Variants in PXMP2 observed in about 807,000 individuals in gnomAD.
PXMP2 encodes 22 kDa peroxisomal membrane protein.
A neutral mutation model predicts 20.2 loss-of-function variants in PXMP2; 13 were observed. The observed-to-expected ratio is 0.64, with a 90% CI of 0.42 to 1.02. PXMP2 has a LOEUF of 1.02. PXMP2 is among the 50% of genes least tolerant of loss of function. The pLI is 0.00. For synonymous variants in PXMP2, 113 were observed against 111.2 expected (o/e 1.02, Z -0.10); for missense variants, 284 against 251.8 (o/e 1.13, Z -0.87).
At chr12:132,689,443 C>T (rs1038073829) in intron 1 of PXMP2, among the ~76,000 whole-genome samples, 21 of 152,064 alleles carry the variant, frequency 1.4e-4, no homozygotes, top group African/African-American at 2.4e-4. Flanking sequence ...AAGGGAAGGC[C>T]GGCGTTAAAG....
At chr12:132,695,238 G>A (rs1469527369) in intron 2 of PXMP2, among the ~76,000 whole-genome samples, 1 of 152,004 alleles carries the variant, frequency 6.6e-6, no homozygotes, top group African/African-American at 2.4e-5. Flanking sequence ...CAGTTAGTGA[G>A]TGCCCTTGCC....
Position 132,687,662 on chromosome 12 carries a change from G to A in PXMP2, c.-9G>A, listed in dbSNP as rs528027436. ...TCGGTGCCCCCGGCGGCACGGCGCT[G>A]GGGAGGCGATGGCGCCGGCCGCGTC... On this transcript the variant is annotated 5_prime_UTR_variant, in exon 1 of 5. Coordinates refer to ENST00000317479, the MANE Select transcript of PXMP2 (RefSeq NM_018663.3). 84 of 1,168,858 alleles carry A rather than the reference G, an allele frequency of 7.2e-5. No individual in the cohort carries two copies. In the East Asian group the frequency reaches 2.9e-3, roughly 40 times the overall value. 72.4% of individuals were successfully genotyped at this position (1,168,858 alleles called of 1,614,324 possible).
intron 1 of PXMP2, among the ~76,000 whole-genome samples, chr12:132,689,748 A>T (rs1422054772): frequency 6.6e-6 from 1 of 152,164 alleles, no homozygotes; most frequent in African/African-American, 2.4e-5. Flanking sequence ...ACATGGAGAG[A>T]TTCCTTGCAC....
chr12:132,704,279 GC>G (rs2043458386), intron 4 of PXMP2, among the ~76,000 whole-genome samples: 1 of 152,166 alleles, frequency 6.6e-6, no homozygotes, highest in Non-Finnish European at 1.5e-5. Flanking sequence ...GGAGGGTGCA[GC>G]CACCTGCATG....
At chr12:132,701,013 A>G in intron 3 of PXMP2, among the ~76,000 whole-genome samples, 1 of 152,188 alleles carries the variant, frequency 6.6e-6, no homozygotes, top group Non-Finnish European at 1.5e-5. Flanking sequence ...GTTTTGGGCC[A>G]GGACAGACAT....
At chr12:132,703,147 T>G (rs1333249268) in intron 4 of PXMP2, among the ~76,000 whole-genome samples, 1 of 152,142 alleles carries the variant, frequency 6.6e-6, no homozygotes, top group Non-Finnish European at 1.5e-5. Context: ...TCAAAGTCTG[T>G]GGGGGCCAGG....
intron 1 of PXMP2, 105 bp from the exon 2 acceptor site, chr12:132,690,158 G>A (rs1234224212): frequency 1.2e-5 from 10 of 812,744 alleles, no homozygotes; most frequent in Non-Finnish European, 1.9e-5. Flanking sequence ...CCTACCCCCC[G>A]CCCATCTGCT....
At chr12:132,690,184 G>T (rs2043357924) in intron 1 of PXMP2, 79 bp from the exon 2 acceptor site, 2 of 1,127,744 alleles carry the variant, frequency 1.8e-6, no homozygotes, top group Admixed American at 1.8e-5. Context: ...GCCTCAGAAC[G>T]GCCCTGCTAA....
chr12:132,687,798 CG>C lies in PXMP2; in HGVS notation c.122+11del, dbSNP rs1363899980. 8.7e-7 allele frequency: 1 copy of C among 1,148,630 alleles called. No homozygotes were observed. Among genetic ancestry groups the C allele is most frequent in the Non-Finnish European group, 1.1e-6 (1 of 935,004 alleles). 71.2% of individuals were successfully genotyped at this position (1,148,630 alleles called of 1,614,324 possible). ...CTCACCAAGGCGGCCACCAGGTGAG[CG>C]GGGGCGCGGGAATCGGACGCCGCCC... On this transcript the variant is annotated splice_region_variant and intron_variant, in intron 1 of 4. Transcript: ENST00000317479.
chr12:132,701,954 G>A (rs1215276824), intron 4 of PXMP2, among the ~76,000 whole-genome samples: 1 of 152,188 alleles, frequency 6.6e-6, no homozygotes, highest in African/African-American at 2.4e-5. Flanking sequence ...GCCAGGCATG[G>A]TGGCAGGTGC....
Position 132,687,754 on chromosome 12 carries a change from C to A in PXMP2, c.84C>A (p.Phe28Leu). 1.6e-6 allele frequency: 2 copies of A among 1,218,352 alleles called. No individual in the cohort carries two copies. The highest frequency in any genetic ancestry group is 2.0e-6 in the Non-Finnish European group (2 of 976,478). 75.5% of individuals were successfully genotyped at this position (1,218,352 alleles called of 1,614,324 possible). A position where few individuals can be genotyped will look rare whatever the true frequency, so the allele number is the denominator to read the frequency against. The change falls in exon 1 of 5, where the codon TTC becomes TTA. Residue 28 changes from phenylalanine (F) to leucine (L), a missense_variant. Coordinates refer to ENST00000317479, the MANE Select transcript of PXMP2 (RefSeq NM_018663.3). The part of the protein sequence containing the change: ...PRRALAQYLL[F>L]LRLYPVLTKA... ...GGGCGCTCGCCCAGTACCTGCTCTTCCTGCGGCTCTACCCGGTGCTCACCA... is the reference window on the plus strand; with the variant it reads ...GGGCGCTCGCCCAGTACCTGCTCTTACTGCGGCTCTACCCGGTGCTCACCA...
At chr12:132,702,847 A>G (rs2043450207) in intron 4 of PXMP2, among the ~76,000 whole-genome samples, 1 of 152,144 alleles carries the variant, frequency 6.6e-6, no homozygotes, top group Non-Finnish European at 1.5e-5. Flanking sequence ...GAGGGAGGAA[A>G]GGACCAGGGT....
intron 3 of PXMP2, among the ~76,000 whole-genome samples, chr12:132,697,212 G>A (rs1324920895): frequency 1.3e-5 from 2 of 151,752 alleles, no homozygotes; most frequent in Non-Finnish European, 2.9e-5. Flanking sequence ...TTGAGCCCAA[G>A]ATGTGGAGGC....
chr12:132,696,040 T>G lies in PXMP2; in HGVS notation c.393T>G (p.Phe131Leu), dbSNP rs1256745859. 1 of 1,604,204 alleles carries G rather than the reference T, an allele frequency of 6.2e-7. No homozygotes were observed. Among genetic ancestry groups the G allele is most frequent in the Non-Finnish European group, 8.5e-7 (1 of 1,174,498 alleles). The change falls in exon 3 of 5, where the codon TTT becomes TTG. Residue 131 changes from phenylalanine (F) to leucine (L), a missense_variant. Phe to Leu is a conservative substitution (Grantham distance 22). Transcript: ENST00000317479. The surrounding 1 kb of genome is among the most constrained non-coding windows in gnomAD (Gnocchi z 4.4). ...TGTTGTTCTTCCTCATCATGAACTT[T>G]CTGGAGGTGGGTGTCTGCCACAGCA... ...FLMLFFLIMN[F>L]LEGKDASAFA...
At chr12:132,695,324 C>T (rs1455342032) in intron 2 of PXMP2, among the ~76,000 whole-genome samples, 1 of 151,810 alleles carries the variant, frequency 6.6e-6, no homozygotes, top group Non-Finnish European at 1.5e-5. Flanking sequence ...CTAGTGAGTG[C>T]CCTTGCCAGT....
Position 132,695,935 on chromosome 12 carries a change from T to C in PXMP2, c.288T>C (p.His96=), listed in dbSNP as rs76434782. Residue 96 remains histidine (H), a synonymous_variant, in exon 3 of 5, where the codon CAT becomes CAC. Transcript: ENST00000317479. ...ACTTCTTCTACTTCTTCATGGAACA[T>C]TGGATCCCTCCTGAGGTCCCCCTGG... ...LSHFFYFFME[H]WIPPEVPLAG... is the part of the protein sequence containing the mutation. 7.8e-3 allele frequency: 12,550 copies of C among 1,611,446 alleles called. 751 individuals are homozygous for C. In the African/African-American group the frequency reaches 0.14, roughly 17 times the overall value.
chr12:132,703,268 A>G (rs1213542315), intron 4 of PXMP2, among the ~76,000 whole-genome samples: 1 of 152,170 alleles, frequency 6.6e-6, no homozygotes, highest in Admixed American at 6.5e-5. Context: ...CCCCATCTCT[A>G]TTTTATAAAA....
chr12:132,690,836 C>T (rs2043361881), intron 2 of PXMP2, among the ~76,000 whole-genome samples: 3 of 151,874 alleles, frequency 2.0e-5, no homozygotes, highest in Admixed American at 2.0e-4. Flanking sequence ...GCTAGGAGTA[C>T]AGGCTCACAT....
At chr12:132,688,617 G>C (rs1487646490) in intron 1 of PXMP2, among the ~76,000 whole-genome samples, 1 of 42,756 alleles carries the variant, frequency 2.3e-5, no homozygotes, top group African/African-American at 7.8e-5. Context: ...CCAAGGGAGC[G>C]GGTCTGCGTG....
Sources: allele counts gnomAD v4.1 joint callset (sites outside exome capture counted in the v4.1 genomes callset), GRCh38; gene constraint gnomAD v4.1.1; non-coding constraint Gnocchi (gnomAD v3.1); transcripts MANE v1.5; gene names NCBI Gene and HGNC (gene_info 2026-07-23, HGNC 2026-07-21).